Variants in STKLD1 observed in about 807,000 individuals in gnomAD.
The protein encoded by STKLD1 is serine/threonine kinase like domain containing 1.
In STKLD1, 79 loss-of-function variants were observed where a neutral mutation model predicts 80.4. The ratio of observed to expected loss-of-function variants is 0.98; its 90% CI spans 0.82 to 1.19. The LOEUF (loss-of-function observed/expected upper bound fraction) is 1.19. Among genes scored for constraint, STKLD1 ranks in the 50% most tolerant of loss-of-function variants. STKLD1 has a pLI of 0.00. For missense variants in STKLD1, 841 were observed against 856.0 expected (o/e 0.98, Z 0.22); for synonymous variants, 393 against 357.6 (o/e 1.10, Z -1.12).
chr9:133,390,066 G>C lies in STKLD1; in HGVS notation c.467+470G>C, dbSNP rs2130285661. On this transcript the variant is annotated intron_variant, in intron 6 of 17. Coordinates refer to ENST00000371957, the MANE Select transcript of STKLD1 (RefSeq NM_153710.5). The surrounding 1 kb of genome is among the most constrained non-coding windows in gnomAD (Gnocchi z 5.1). ...AGAGGGAAACTATGCAGCTGGGCGT[G>C]GTGGTGCACGCCTGTGGTCCTAGCA... Among the ~76,000 whole-genome samples, 662 of 152,284 alleles carry C rather than the reference G, an allele frequency of 4.3e-3. 2 individuals are homozygous for C. Among genetic ancestry groups the C allele is most frequent in the Non-Finnish European group, 7.8e-3 (531 of 68,016 alleles).
intron 5 of STKLD1, chr9:133,387,945 T>G (rs1838301065): frequency 4.6e-6 from 2 of 430,988 alleles, no homozygotes; most frequent in South Asian, 3.3e-5. Flanking sequence ...GCAAATCATG[T>G]GTTCATTGCT....
rs1564372078 is a variant in STKLD1 at position 133,376,436 on chromosome 9, AG to A, written c.-34del. ...CCACTGACCCACGCGGGGTGGGGCCAGGGGTGGACGCTCGCCCGTACGCGGT... is the reference window on the plus strand; with the variant it reads ...CCACTGACCCACGCGGGGTGGGGCCAGGGTGGACGCTCGCCCGTACGCGGT... On this transcript the variant is annotated 5_prime_UTR_variant, in exon 1 of 18. Transcript: ENST00000371957. 6.5e-7 allele frequency: 1 copy of A among 1,538,332 alleles called. No individual in the cohort carries two copies.
At chr9:133,393,167 G>A (rs1159216009) in intron 7 of STKLD1, among the ~76,000 whole-genome samples, 1 of 139,400 alleles carries the variant, frequency 7.2e-6, no homozygotes, top group Non-Finnish European at 1.5e-5. Context: ...GGGTAGGTGG[G>A]TGAGTGGATG....
Position 133,385,053 on chromosome 9 carries a change from G to A in STKLD1, c.220-564G>A, listed in dbSNP as rs2130273614. On this transcript the variant is annotated intron_variant, in intron 3 of 17. Coordinates refer to ENST00000371957, the MANE Select transcript of STKLD1 (RefSeq NM_153710.5). This position sits in a 1 kb window ranked among gnomAD's most constrained non-coding sequence, Gnocchi z 4.9. ...GCATGGGGCCTGCCCAGAGCCGCAC[G>A]CCGCCGTGGCTTTTCACGTTGCCGA... Among the ~76,000 whole-genome samples the A allele has an allele frequency of 6.6e-6, 1 of 152,062 alleles. No individual in the cohort carries two copies. The highest frequency in any genetic ancestry group is 1.5e-5 in the Non-Finnish European group (1 of 68,024).
At chr9:133,393,599 GAGT>G (rs1838479469) in intron 7 of STKLD1, among the ~76,000 whole-genome samples, 1 of 143,722 alleles carries the variant, frequency 7.0e-6, no homozygotes. Flanking sequence ...GTGGGTGAGT[GAGT>G]GAATGGGTGA....
rs1554776985 is a variant in STKLD1 at position 133,397,965 on chromosome 9, C to T, written c.998-7C>T. On this transcript the variant is annotated splice_region_variant and splice_polypyrimidine_tract_variant and intron_variant, in intron 10 of 17. Transcript: ENST00000371957. ...AAGGTCCCTCCCCTGCCTTCCTGTC[C>T]CTGCAGAGGTCATGCAGAAATTCTC... The T allele has an allele frequency of 1.2e-6, 2 of 1,611,736 alleles. No individual in the cohort carries two copies. The highest frequency in any genetic ancestry group is 1.3e-5 in the African/African-American group (1 of 74,890).
At position 133,405,466 on chromosome 9, in the gene STKLD1, A is replaced by C. The variant is rs1838834413; in HGVS notation, c.*45A>C. On this transcript the variant is annotated 3_prime_UTR_variant, in exon 18 of 18. Transcript: ENST00000371957. The stretch of plus-strand genomic sequence containing the variant: ...CTTGATCTCCACGTGTATAGTTTTC[A>C]AGACTGCTCTCCTGCCTGCCTATTA... 1 of 1,535,750 alleles carries C rather than the reference A, an allele frequency of 6.5e-7. No homozygotes were observed.
intron 2 of STKLD1, among the ~76,000 whole-genome samples, chr9:133,380,059 G>A (rs976102956): frequency 3.9e-5 from 6 of 152,014 alleles, no homozygotes; most frequent in Admixed American, 6.5e-5. Flanking sequence ...GTTTGGAGAT[G>A]GAGTCTTGCT....
intron 11 of STKLD1, among the ~76,000 whole-genome samples, chr9:133,400,156 C>CA (rs1170587783): frequency 6.6e-6 from 1 of 152,204 alleles, no homozygotes; most frequent in Non-Finnish European, 1.5e-5. Flanking sequence ...CTGCTGACCC[C>CA]AGGTTCCTCA....
Position 133,394,244 on chromosome 9 carries a change from C to T in STKLD1, c.584-47C>T. 7.4e-7 allele frequency: 1 copy of T among 1,349,598 alleles called. No individual in the cohort carries two copies. Among genetic ancestry groups the T allele is most frequent in the Non-Finnish European group, 1.1e-6 (1 of 939,096 alleles). 83.6% of individuals were successfully genotyped at this position (1,349,598 alleles called of 1,614,324 possible). On this transcript the variant is annotated intron_variant, in intron 7 of 17. Transcript: ENST00000371957. This position sits in a 1 kb window ranked among gnomAD's most constrained non-coding sequence, Gnocchi z 4.9. ...AGGGTGACTCTGTCAAGCCCCTGCC[C>T]CCAGGGAGCAAAGGACTCAGGGATC...
intron 9 of STKLD1, 44 bp from the exon 10 acceptor site, chr9:133,397,119 AG>A (rs782203680): frequency 1.9e-6 from 3 of 1,610,670 alleles, no homozygotes; most frequent in East Asian, 2.2e-5. Context: ...GGGAGGTGGC[AG>A]GGGGCGCTGC....
At chr9:133,377,970 T>C (rs1247159853) in intron 1 of STKLD1, among the ~76,000 whole-genome samples, 1 of 152,208 alleles carries the variant, frequency 6.6e-6, no homozygotes, top group Non-Finnish European at 1.5e-5. Context: ...GCATGCAACC[T>C]GGATCCCTCA....
rs2130272439 is a variant in STKLD1, at chr9:133,384,295, G to C, written c.219+395G>C. ...CTCAACCAAAAATACAAAAAAATTA[G>C]CTGGGCATGGTGGTGGGCACCTGTA... On this transcript the variant is annotated intron_variant, in intron 3 of 17. Transcript: ENST00000371957. This position sits in a 1 kb window ranked among gnomAD's most constrained non-coding sequence, Gnocchi z 4.3. The C allele has an allele frequency of 1.9e-4, 34 of 181,994 alleles. 1 individual carries two copies. The highest frequency in any genetic ancestry group is 6.8e-4 in the African/African-American group (29 of 42,456). 11.3% of individuals were successfully genotyped at this position (181,994 alleles called of 1,614,324 possible).
At position 133,390,189 on chromosome 9, in the gene STKLD1, CTT is replaced by C. The variant is rs2130285807; in HGVS notation, c.468-491_468-490del. ...TGCACTTCAGCCTGGGCAACCCTGA[CTT>C]AAAACACACACACACACACACACAC... On this transcript the variant is annotated intron_variant, in intron 6 of 17. Transcript: ENST00000371957. The surrounding 1 kb of genome is among the most constrained non-coding windows in gnomAD (Gnocchi z 5.1). Among the ~76,000 whole-genome samples, 1 of 139,952 alleles carries C rather than the reference CTT, an allele frequency of 7.1e-6. No individual in the cohort carries two copies. The highest frequency in any genetic ancestry group is 1.5e-5 in the Non-Finnish European group (1 of 65,650). The allele number at this position is 139,952 out of a possible 152,430, so 91.8% of individuals were successfully genotyped here.
At chr9:133,383,402 T>TGGC (rs1838194942) in intron 2 of STKLD1, among the ~76,000 whole-genome samples, 2 of 1,262 alleles carry the variant, frequency 1.6e-3, no homozygotes, top group African/African-American at 2.6e-3. Context: ...ATGGTGATGA[T>TGGC]ATATGATGAT....
intron 10 of STKLD1, 120 bp downstream of exon 10, chr9:133,397,414 GACCAGTGGGTAGGA>G (rs1838590297): frequency 7.6e-7 from 1 of 1,324,286 alleles, no homozygotes; most frequent in African/African-American, 1.4e-5. Context: ...CCACATGCAC[GACCAGTGGGTAGGA>G]ACAGTTTCCC....
Position 133,404,018 on chromosome 9 carries a change from C to T in STKLD1, c.1702C>T (p.Arg568Trp), listed in dbSNP as rs201085864. ...AGCCCTGCTGGTGAACAATGCCTACCGGGGACTGGCCAGCCTGGTGAAGGT... is the reference window on the plus strand; with the variant it reads ...AGCCCTGCTGGTGAACAATGCCTACTGGGGACTGGCCAGCCTGGTGAAGGT... The part of the protein sequence containing the change: ...DRALLVNNAY[R>W]GLASLVKVSE... The change falls in exon 16 of 18, where the codon CGG becomes TGG. Residue 568 changes from arginine (R) to tryptophan (W), a missense_variant. Coordinates refer to ENST00000371957, the MANE Select transcript of STKLD1 (RefSeq NM_153710.5). 1.8e-4 allele frequency: 298 copies of T among 1,610,950 alleles called. No homozygotes were observed. Among genetic ancestry groups the T allele is most frequent in the Non-Finnish European group, 2.4e-4 (283 of 1,178,882 alleles).
rs1433836760 is a variant in STKLD1, at chr9:133,405,396, G to C, written c.2018G>C (p.Cys673Ser). ...CCAGGTGGAAGCCCCCAGCTGGGGTGCACCACGTCTGGGGGACTGGAATAG... is the reference window on the plus strand; with the variant it reads ...CCAGGTGGAAGCCCCCAGCTGGGGTCCACCACGTCTGGGGGACTGGAATAG... ...LPPGGSPQLG[C>S]TTSGGLE The change falls in exon 18 of 18, where the codon TGC (cysteine) becomes TCC (serine). Residue 673 changes from cysteine (C) to serine (S), a missense_variant. By Grantham distance (112) the Cys-to-Ser change is moderately radical. Coordinates refer to ENST00000371957, the MANE Select transcript of STKLD1 (RefSeq NM_153710.5). 6.2e-7 allele frequency: 1 copy of C among 1,610,750 alleles called. No homozygotes were observed. The highest frequency in any genetic ancestry group is 8.5e-7 in the Non-Finnish European group (1 of 1,179,754).
chr9:133,404,750 G>A, intron 16 of STKLD1, 39 bp from the exon 17 acceptor site: 3 of 1,604,354 alleles, frequency 1.9e-6, no homozygotes, highest in South Asian at 1.1e-5. Flanking sequence ...CCCTTTCAGG[G>A]GAAAGCAGGG....
Sources: allele counts gnomAD v4.1 joint callset (sites outside exome capture counted in the v4.1 genomes callset), GRCh38; gene constraint gnomAD v4.1.1; non-coding constraint Gnocchi (gnomAD v3.1); transcripts MANE v1.5; gene names NCBI Gene and HGNC (gene_info 2026-07-23, HGNC 2026-07-21).